RBFOX1: variants seen among roughly 807,000 people sequenced by gnomAD.
RBFOX1 encodes RNA binding protein fox-1 homolog 1.
RBFOX1 carries 8 observed loss-of-function variants against 57.7 expected under a neutral mutation model. That is an observed-to-expected ratio of 0.14 (90% CI 0.08 to 0.25). The LOEUF (loss-of-function observed/expected upper bound fraction) is 0.25. RBFOX1 is among the 10% of genes least tolerant of loss of function. RBFOX1 has a pLI of 1.00. For synonymous variants in RBFOX1, 326 were observed against 222.4 expected, an observed-to-expected ratio of 1.47 and a Z score of -4.15; for missense variants, 611 against 548.5, an observed-to-expected ratio of 1.11 and a Z score of -1.14.
chr16:6,797,338 G>C (rs1567287626), intron 3 of RBFOX1, among the ~76,000 whole-genome samples: 2 of 152,170 alleles, frequency 1.3e-5, no homozygotes, highest in Non-Finnish European at 1.5e-5. Context: ...TGTGGGCAAA[G>C]GTGAAAATCA....
intron 10 of RBFOX1, among the ~76,000 whole-genome samples, chr16:7,610,336 G>C (rs1271044450): frequency 6.6e-6 from 1 of 151,378 alleles, no homozygotes; most frequent in Non-Finnish European, 1.5e-5. Context: ...GGCTAGGCTG[G>C]TCTTGAACTT....
At chr16:5,463,860 A>C (rs2068871853) in intron 1 of RBFOX1, among the ~76,000 whole-genome samples, 2 of 152,050 alleles carry the variant, frequency 1.3e-5, no homozygotes, top group Admixed American at 1.3e-4. Context: ...AGATTACAAC[A>C]CCCAGAAATG....
At chr16:5,897,468 A>G (rs1265485270) in intron 4 of RBFOX1, among the ~76,000 whole-genome samples, 2 of 152,230 alleles carry the variant, frequency 1.3e-5, no homozygotes, top group African/African-American at 4.8e-5. Flanking sequence ...CCTCATGGGA[A>G]ACATATGAGT....
intron 3 of RBFOX1, among the ~76,000 whole-genome samples, chr16:6,771,084 G>T (rs79686944): frequency 0.087 from 13,283 of 151,984 alleles, 624 homozygotes; most frequent in Admixed American, 0.13. Flanking sequence ...CAGTGTGTTT[G>T]GTGTCCTTAT....
intron 6 of RBFOX1, among the ~76,000 whole-genome samples, chr16:7,583,208 C>T (rs1332737646): frequency 6.7e-6 from 1 of 148,382 alleles, no homozygotes; most frequent in African/African-American, 2.5e-5. Context: ...TATATGGCTA[C>T]AGTATACAAA....
chr16:6,556,827 A>C (rs2153894960), intron 2 of RBFOX1, among the ~76,000 whole-genome samples: 1 of 151,876 alleles, frequency 6.6e-6, no homozygotes, highest in East Asian at 1.9e-4. Flanking sequence ...TTATGTTTTG[A>C]CCCTTCTTTG....
At chr16:5,889,894 A>T (rs1371478700) in intron 4 of RBFOX1, among the ~76,000 whole-genome samples, 1 of 152,224 alleles carries the variant, frequency 6.6e-6, no homozygotes, top group African/African-American at 2.4e-5. Context: ...GAGAGACTGG[A>T]TGCGGCCTGG....
intron 6 of RBFOX1, among the ~76,000 whole-genome samples, chr16:7,584,452 C>A (rs985749035): frequency 6.6e-6 from 1 of 152,120 alleles, no homozygotes; most frequent in Non-Finnish European, 1.5e-5. Context: ...ACCACCATGA[C>A]TGGGTAATTT....
At position 6,954,351 on chromosome 16, in the gene RBFOX1, A is replaced by G. The variant is rs144298694; in HGVS notation, c.-15-97706A>G. Among the ~76,000 whole-genome samples the G allele has an allele frequency of 4.1e-3, 624 of 152,276 alleles. 6 individuals are homozygous for G. The highest frequency in any genetic ancestry group is 0.014 in the Middle Eastern group (4 of 294). ...TCTGAGGAGTTGATTTATAGTTACA[A>G]TAACGGTCTTCCATCCATTAGTAGT... is the stretch of plus-strand genomic sequence containing the variant. On this transcript the variant is annotated intron_variant, in intron 3 of 15. Coordinates refer to ENST00000550418, the MANE Select transcript of RBFOX1 (RefSeq NM_018723.4).
At chr16:5,952,111 A>G (rs113826383) in intron 4 of RBFOX1, among the ~76,000 whole-genome samples, 176 of 150,364 alleles carry the variant, frequency 1.2e-3, no homozygotes, top group African/African-American at 4.1e-3. Context: ...ACACACATAT[A>G]TGTATACACA....
chr16:6,210,258 C>G (rs150170264), intron 1 of RBFOX1, among the ~76,000 whole-genome samples: 3 of 140,634 alleles, frequency 2.1e-5, no homozygotes, highest in East Asian at 2.1e-4. Flanking sequence ...GTAGAAATTG[C>G]AGTAAGCTGA....
Position 5,478,862 on chromosome 16 carries a change from G to C in RBFOX1, c.258+11608G>C, listed in dbSNP as rs112424746. On this transcript the variant is annotated intron_variant, in intron 2 of 2. Transcript: ENST00000585867. ...ATGGGCTGCTATATTCCTAAGCTAA[G>C]ATCTCTGCTGCTGTCAGGCAACCCT... Among the ~76,000 whole-genome samples, 1,145 of 152,230 alleles carry C rather than the reference G, an allele frequency of 7.5e-3. 13 individuals are homozygous for C. The highest frequency in any genetic ancestry group is 0.026 in the African/African-American group (1,062 of 41,538).
intron 3 of RBFOX1, among the ~76,000 whole-genome samples, chr16:6,854,069 C>G (rs529762507): frequency 5.9e-5 from 9 of 152,208 alleles, no homozygotes; most frequent in Non-Finnish European, 1.3e-4. Flanking sequence ...TCCAGAAATC[C>G]TATTTATTTA....
intron 2 of RBFOX1, among the ~76,000 whole-genome samples, chr16:6,565,398 C>T (rs918736955): frequency 6.6e-6 from 1 of 152,090 alleles, no homozygotes; most frequent in African/African-American, 2.4e-5. Context: ...GCTGGAACTA[C>T]AGGCGCCCGC....
chr16:6,618,836 G>T (rs1352017569), intron 2 of RBFOX1, among the ~76,000 whole-genome samples: 1 of 152,146 alleles, frequency 6.6e-6, no homozygotes, highest in Admixed American at 6.5e-5. Flanking sequence ...GCTTCTCTTG[G>T]TGAAAAATTC....
intron 3 of RBFOX1, among the ~76,000 whole-genome samples, chr16:5,692,468 G>A (rs1368046578): frequency 9.2e-5 from 14 of 152,124 alleles, no homozygotes; most frequent in Admixed American, 9.2e-4. Context: ...GAGACTCTGT[G>A]TATTACAGCT....
intron 4 of RBFOX1, among the ~76,000 whole-genome samples, chr16:7,416,444 C>A (rs569503890): frequency 6.6e-6 from 1 of 152,240 alleles, no homozygotes; most frequent in East Asian, 1.9e-4. Context: ...CCAACCTCTG[C>A]TGATTGTTAG....
intron 3 of RBFOX1, among the ~76,000 whole-genome samples, chr16:5,715,215 A>G (rs2151517601): frequency 6.6e-6 from 1 of 152,248 alleles, no homozygotes; most frequent in East Asian, 1.9e-4. Flanking sequence ...TTTTTGAAAC[A>G]ACCCTATAAA....
intron 3 of RBFOX1, among the ~76,000 whole-genome samples, chr16:6,804,547 C>G (rs2086272538): frequency 6.6e-6 from 1 of 152,070 alleles, no homozygotes; most frequent in Admixed American, 6.6e-5. Context: ...AAATTGGACT[C>G]TAAATATTGT....
Sources: gnomAD v4.1 joint callset for allele counts (sites outside exome capture counted in the v4.1 genomes callset) on GRCh38, gnomAD v4.1.1 for gene constraint, MANE v1.5 for transcripts, NCBI Gene and HGNC (gene_info 2026-07-23, HGNC 2026-07-21) for gene names.